Variants in HNF4G observed in about 807,000 individuals in gnomAD.
The protein encoded by HNF4G is hepatocyte nuclear factor 4 gamma.
A neutral mutation model predicts 50.9 loss-of-function variants in HNF4G; 21 were observed. The observed-to-expected ratio is 0.41, with a 90% confidence interval of 0.29 to 0.59. The LOEUF is 0.59. Among genes scored for constraint, HNF4G ranks in the 20% least tolerant of loss-of-function variants. The pLI, the probability that HNF4G is intolerant of heterozygous loss-of-function variation, is 0.26. For missense variants in HNF4G, 527 were observed against 559.4 expected, an observed-to-expected ratio of 0.94 and a Z score of 0.58; for synonymous variants, 198 against 185.6, an observed-to-expected ratio of 1.07 and a Z score of -0.54.
chr8:75,469,732 C>T (rs1194308272), intron 1 of HNF4G, among the ~76,000 whole-genome samples: 1 of 152,122 alleles, frequency 6.6e-6, no homozygotes, highest in Admixed American at 6.6e-5. Context: ...TTCTCATCAT[C>T]AAATCTCCCC....
At chr8:75,475,123 C>T (rs879650835) in intron 1 of HNF4G, among the ~76,000 whole-genome samples, 16 of 152,088 alleles carry the variant, frequency 1.1e-4, no homozygotes, top group Non-Finnish European at 7.4e-5. Flanking sequence ...GATTCTCCTG[C>T]CTCAGCCTCC....
intron 9 of HNF4G, among the ~76,000 whole-genome samples, chr8:75,561,146 C>T (rs1261320399): frequency 2.0e-5 from 3 of 152,170 alleles, no homozygotes; most frequent in Non-Finnish European, 4.4e-5. Context: ...TTCTCAATGT[C>T]ATGGCATGTT....
chr8:75,534,322 C>T (rs1207780340), intron 2 of HNF4G, among the ~76,000 whole-genome samples: 1 of 151,418 alleles, frequency 6.6e-6, no homozygotes, highest in African/African-American at 2.4e-5. Flanking sequence ...TGCTAATCAG[C>T]TCCTTATCTT....
chr8:75,438,102 G>A (rs2130538352), intron 1 of HNF4G, among the ~76,000 whole-genome samples: 1 of 152,152 alleles, frequency 6.6e-6, no homozygotes, highest in South Asian at 2.1e-4. Flanking sequence ...ACACGAAATT[G>A]TTCCCATATT....
At chr8:75,517,265 C>T (rs1447271995) in intron 2 of HNF4G, among the ~76,000 whole-genome samples, 1 of 152,094 alleles carries the variant, frequency 6.6e-6, no homozygotes, top group Non-Finnish European at 1.5e-5. Flanking sequence ...CTATATCATT[C>T]TGCCCTGGCC....
intron 2 of HNF4G, among the ~76,000 whole-genome samples, chr8:75,512,686 G>C (rs988613340): frequency 6.6e-6 from 1 of 151,816 alleles, no homozygotes; most frequent in Non-Finnish European, 1.5e-5. Flanking sequence ...GGATGGTCTC[G>C]ATATCCTGAC....
At chr8:75,552,705 A>G (rs1278876819) in intron 4 of HNF4G, among the ~76,000 whole-genome samples, 1 of 152,142 alleles carries the variant, frequency 6.6e-6, no homozygotes, top group Non-Finnish European at 1.5e-5. Context: ...GATACTATCT[A>G]TCTATTTTTA....
intron 6 of HNF4G, among the ~76,000 whole-genome samples, chr8:75,557,608 C>T (rs1291390918): frequency 6.6e-6 from 1 of 152,046 alleles, no homozygotes; most frequent in Non-Finnish European, 1.5e-5. Context: ...GCGATAGAGA[C>T]TCCATCTAAA....
intron 2 of HNF4G, among the ~76,000 whole-genome samples, chr8:75,498,844 C>G (rs1036975314): frequency 3.9e-5 from 6 of 152,138 alleles, no homozygotes; most frequent in Admixed American, 6.5e-5. Flanking sequence ...AAATACAACA[C>G]ACTTTTAAGA....
At chr8:75,486,554 AT>A (rs1812502133) in intron 1 of HNF4G, among the ~76,000 whole-genome samples, 1 of 152,164 alleles carries the variant, frequency 6.6e-6, no homozygotes, top group African/African-American at 2.4e-5. Context: ...TAAATTAGTA[AT>A]AATTACTATA....
chr8:75,538,629 T>C (rs950768326), upstream of HNF4G, among the ~76,000 whole-genome samples: 4 of 152,214 alleles, frequency 2.6e-5, no homozygotes, highest in African/African-American at 7.2e-5. Flanking sequence ...CTCTAAAAAC[T>C]GAATAACCTA....
intron 9 of HNF4G, among the ~76,000 whole-genome samples, chr8:75,560,927 C>T (rs934919889): frequency 1.4e-4 from 22 of 152,092 alleles, no homozygotes; most frequent in Non-Finnish European, 2.5e-4. Context: ...CAATACAAAA[C>T]ATTTCAGTTG....
intron 2 of HNF4G, among the ~76,000 whole-genome samples, chr8:75,532,911 T>C (rs1806366951): frequency 6.6e-6 from 1 of 152,046 alleles, no homozygotes; most frequent in Non-Finnish European, 1.5e-5. Flanking sequence ...ATGGATCCTG[T>C]AGAAAAACAA....
At chr8:75,521,907 A>G (rs764491494) in intron 2 of HNF4G, among the ~76,000 whole-genome samples, 1 of 152,092 alleles carries the variant, frequency 6.6e-6, no homozygotes, top group African/African-American at 2.4e-5. Context: ...CAATGGCCCT[A>G]TTTAGGATTT....
intron 2 of HNF4G, among the ~76,000 whole-genome samples, chr8:75,496,041 TTGAA>T (rs1241949897): frequency 6.6e-6 from 1 of 152,114 alleles, no homozygotes; most frequent in Non-Finnish European, 1.5e-5. Context: ...TATCTAATAA[TTGAA>T]TGACAAAATA....
intron 1 of HNF4G, among the ~76,000 whole-genome samples, chr8:75,448,265 A>G (rs1372077709): frequency 2.4e-5 from 3 of 122,850 alleles, no homozygotes; most frequent in Non-Finnish European, 4.9e-5. Context: ...GGGGAATACC[A>G]CACTCTGGGG....
At chr8:75,499,074 T>A (rs1186460406) in intron 2 of HNF4G, among the ~76,000 whole-genome samples, 1 of 151,948 alleles carries the variant, frequency 6.6e-6, no homozygotes, top group Non-Finnish European at 1.5e-5. Flanking sequence ...AGATTGGAAA[T>A]GAAGAAGTAA....
intron 1 of HNF4G, among the ~76,000 whole-genome samples, chr8:75,476,079 C>T (rs1047856819): frequency 2.6e-5 from 4 of 152,130 alleles, no homozygotes; most frequent in African/African-American, 9.6e-5. Context: ...GACCATTTTT[C>T]AACACTCACC....
chr8:75,424,669 A>G (rs1017291779), intron 1 of HNF4G, among the ~76,000 whole-genome samples: 3 of 152,180 alleles, frequency 2.0e-5, no homozygotes, highest in Non-Finnish European at 2.9e-5. Flanking sequence ...GTTAATTTGC[A>G]TAGGATAATG....
Sources: gnomAD v4.1 joint callset for allele counts (sites outside exome capture counted in the v4.1 genomes callset) on GRCh38, gnomAD v4.1.1 for gene constraint, MANE v1.5 for transcripts, NCBI Gene and HGNC (gene_info 2026-07-23, HGNC 2026-07-21) for gene names.